The following TRAM2 variants were observed in gnomAD, a reference collection of about 807,000 sequenced individuals.
TRAM2 encodes translocating chain-associated membrane protein 2.
A neutral mutation model predicts 51.0 loss-of-function variants in TRAM2; 12 were observed. The ratio of observed to expected loss-of-function variants is 0.24; its 90% CI spans 0.15 to 0.38. TRAM2 has a LOEUF of 0.38. TRAM2 is among the 10% of genes least tolerant of loss of function. The pLI is 1.00. For missense variants in TRAM2, 361 were observed against 462.0 expected, an observed-to-expected ratio of 0.78 and a Z score of 2.00; for synonymous variants, 175 against 179.4, an observed-to-expected ratio of 0.98 and a Z score of 0.20.
chr6:52,528,413 G>T (rs3804494), intron 2 of TRAM2, among the ~76,000 whole-genome samples: 19,037 of 151,926 alleles, frequency 0.13, 1,299 homozygotes, highest in African/African-American at 0.16. Flanking sequence ...ATCTTACAAA[G>T]AGGGGCTCAG....
intron 1 of TRAM2, among the ~76,000 whole-genome samples, chr6:52,570,136 C>T (rs1180824782): frequency 6.6e-6 from 1 of 152,196 alleles, no homozygotes; most frequent in Non-Finnish European, 1.5e-5. Context: ...TGAGCTACAG[C>T]TACAATGTTA....
At chr6:52,559,975 T>C (rs1767470995) in intron 1 of TRAM2, among the ~76,000 whole-genome samples, 1 of 152,142 alleles carries the variant, frequency 6.6e-6, no homozygotes, top group South Asian at 2.1e-4. Context: ...GTGCGGTGGC[T>C]CATGCCTGTA....
chr6:52,576,680 T>TA, intron 1 of TRAM2, 116 bp downstream of exon 1: 2 of 1,386,818 alleles, frequency 1.4e-6, no homozygotes, highest in Middle Eastern at 2.0e-4. Context: ...GCAGATAACG[T>TA]ACACGGCAGC....
At chr6:52,561,639 C>T (rs941175143) in intron 1 of TRAM2, among the ~76,000 whole-genome samples, 3 of 152,254 alleles carry the variant, frequency 2.0e-5, no homozygotes, top group East Asian at 1.9e-4. Flanking sequence ...GCGCCCACCA[C>T]CACGCCCGGC....
intron 4 of TRAM2, among the ~76,000 whole-genome samples, chr6:52,514,210 G>C (rs185851425): frequency 4.6e-5 from 7 of 152,310 alleles, no homozygotes; most frequent in East Asian, 3.9e-4. Flanking sequence ...TGGAGAGTGA[G>C]AGAAAGAAGA....
chr6:52,506,869 A>G (rs534527212), intron 7 of TRAM2, among the ~76,000 whole-genome samples: 4 of 152,322 alleles, frequency 2.6e-5, no homozygotes, highest in South Asian at 4.2e-4. Flanking sequence ...ACCTAGTCCA[A>G]CGCACCTCGG....
chr6:52,544,570 A>T (rs894816371), intron 1 of TRAM2, among the ~76,000 whole-genome samples: 1 of 152,232 alleles, frequency 6.6e-6, no homozygotes, highest in African/African-American at 2.4e-5. Flanking sequence ...CACACTCGGC[A>T]CTGGCGTTTG....
Position 52,504,770 on chromosome 6 carries a change from T to A in TRAM2, c.876-16A>T. ...CACGCAGAGCCTGCAGAGCAGGGGG[T>A]TAGGGGCTTAGGCTGGGGCTTGGGC... On this transcript the variant is annotated splice_polypyrimidine_tract_variant and intron_variant, in intron 9 of 10. Coordinates refer to ENST00000182527, the MANE Select transcript of TRAM2 (RefSeq NM_012288.4). 1 of 1,583,010 alleles carries A rather than the reference T, an allele frequency of 6.3e-7. No individual in the cohort carries two copies. Among genetic ancestry groups the A allele is most frequent in the Non-Finnish European group, 8.6e-7 (1 of 1,168,020 alleles).
rs1041571084 is a variant in TRAM2, at chr6:52,502,831, A to C, written c.*366T>G. ...AATCAGACAGAAAAATTGCAAGATA[A>C]GGTGAAAATAGGAAGTAAAAAGGAA... On this transcript the variant is annotated 3_prime_UTR_variant, in exon 11 of 11. Coordinates refer to ENST00000182527, the MANE Select transcript of TRAM2 (RefSeq NM_012288.4). 1.5e-4 allele frequency: 31 copies of C among 211,020 alleles called. No homozygotes were observed. The highest frequency in any genetic ancestry group is 2.4e-4 in the Non-Finnish European group (26 of 106,200). The allele number at this position is 211,020 out of a possible 1,614,324, so 13.1% of individuals were successfully genotyped here.
chr6:52,538,255 T>A (rs577503522), intron 1 of TRAM2, among the ~76,000 whole-genome samples: 11 of 152,318 alleles, frequency 7.2e-5, no homozygotes, highest in African/African-American at 2.4e-4. Flanking sequence ...GAAATGCACA[T>A]GTCTTTTAGA....
chr6:52,507,396 A>C (rs943209209), intron 7 of TRAM2, among the ~76,000 whole-genome samples, 157 bp downstream of exon 7: 3 of 152,220 alleles, frequency 2.0e-5, no homozygotes, highest in Non-Finnish European at 4.4e-5. Context: ...ACTGAAGATA[A>C]AGAATCTTCC....
chr6:52,568,342 T>G (rs1767624205), intron 1 of TRAM2, among the ~76,000 whole-genome samples: 1 of 152,210 alleles, frequency 6.6e-6, no homozygotes, highest in South Asian at 2.1e-4. Flanking sequence ...ACAAAATCCA[T>G]ACAAACAAGT....
chr6:52,545,388 C>T (rs933403539), intron 1 of TRAM2, among the ~76,000 whole-genome samples: 6 of 152,196 alleles, frequency 3.9e-5, no homozygotes, highest in Non-Finnish European at 7.3e-5. Flanking sequence ...CAAGAAGGGA[C>T]AGGAACTGCC....
chr6:52,514,521 C>G (rs142385517), intron 4 of TRAM2, among the ~76,000 whole-genome samples: 1 of 152,294 alleles, frequency 6.6e-6, no homozygotes, highest in East Asian at 1.9e-4. Context: ...CCTATGTGCT[C>G]TCAAACTAAT....
chr6:52,552,121 C>A (rs183626326), intron 1 of TRAM2, among the ~76,000 whole-genome samples: 24 of 152,256 alleles, frequency 1.6e-4, no homozygotes, highest in Non-Finnish European at 3.1e-4. Context: ...CTGCCCCAGA[C>A]TGAGCCCTGG....
chr6:52,505,746 C>G lies in TRAM2; in HGVS notation c.732-4G>C. 2.5e-6 allele frequency: 4 copies of G among 1,601,712 alleles called. No individual in the cohort carries two copies. Among genetic ancestry groups the G allele is most frequent in the Non-Finnish European group, 3.4e-6 (4 of 1,173,572 alleles). On this transcript the variant is annotated splice_region_variant and splice_polypyrimidine_tract_variant and intron_variant, in intron 8 of 10. Coordinates refer to ENST00000182527, the MANE Select transcript of TRAM2 (RefSeq NM_012288.4). ...AACAGCAGCCCAGGCACTGAACCTG[C>G]TCACAGAGGCAGAAGAGGGATGTCA... is the stretch of plus-strand genomic sequence containing the variant.
At chr6:52,528,708 G>A (rs1274798826) in intron 2 of TRAM2, among the ~76,000 whole-genome samples, 1 of 152,076 alleles carries the variant, frequency 6.6e-6, no homozygotes. Context: ...AGCCAACTGG[G>A]ATCCTCAGGG....
rs2268714 is a variant in TRAM2, at chr6:52,554,572, C to T, written c.121-18726G>A. On this transcript the variant is annotated intron_variant, in intron 1 of 10. Transcript: ENST00000182527. ...GAAAACCAAAGTGAACAGATCTCAC[C>T]CAAACCCAAAAGCTGACTGGGTAAC... 5.8e-3 allele frequency among the ~76,000 whole-genome samples: 872 copies of T among 151,546 alleles called. 65 individuals carry two copies. The East Asian group carries it at 0.15, about 26-fold the overall frequency.
intron 1 of TRAM2, among the ~76,000 whole-genome samples, chr6:52,551,856 C>A (rs2114097405): frequency 6.6e-6 from 1 of 152,384 alleles, no homozygotes; most frequent in Middle Eastern, 3.4e-3. Flanking sequence ...CACCATGCCC[C>A]ACCCAACTGG....
Sources: gnomAD v4.1 joint callset for allele counts (sites outside exome capture counted in the v4.1 genomes callset) on GRCh38, gnomAD v4.1.1 for gene constraint, MANE v1.5 for transcripts, NCBI Gene and HGNC (gene_info 2026-07-23, HGNC 2026-07-21) for gene names.